The following CMIP variants were observed in gnomAD, a reference collection of about 807,000 sequenced individuals.
CMIP encodes the protein C-Maf-inducing protein.
A neutral mutation model predicts 97.3 loss-of-function variants in CMIP; 13 were observed. That is an observed-to-expected ratio of 0.13 (90% CI 0.09 to 0.21). The LOEUF is 0.21. Ranked by LOEUF, CMIP falls within the 10% of genes least tolerant of loss-of-function variation. CMIP has a pLI of 1.00. For missense variants in CMIP, 847 were observed against 1,024.9 expected, an observed-to-expected ratio of 0.83 and a Z score of 2.37; for synonymous variants, 538 against 436.3, an observed-to-expected ratio of 1.23 and a Z score of -2.91.
chr16:81,482,117 G>T (rs2966083), intron 1 of CMIP, among the ~76,000 whole-genome samples: 89,593 of 151,806 alleles, frequency 0.59, 26,722 homozygotes, highest in East Asian at 0.78. Flanking sequence ...GACCGCAAGT[G>T]ATCCACCCTC....
intron 5 of CMIP, among the ~76,000 whole-genome samples, chr16:81,660,550 C>T (rs953042962): frequency 6.6e-6 from 1 of 152,172 alleles, no homozygotes; most frequent in African/African-American, 2.4e-5. Flanking sequence ...GCTGGGATTA[C>T]AGGCATGAGC....
At chr16:81,524,155 G>C (rs1234196412) in intron 1 of CMIP, among the ~76,000 whole-genome samples, 1 of 152,254 alleles carries the variant, frequency 6.6e-6, no homozygotes, top group Non-Finnish European at 1.5e-5. Context: ...AGACCTGAAA[G>C]ACAGGACCCT....
intron 1 of CMIP, among the ~76,000 whole-genome samples, chr16:81,455,487 C>G (rs139369550): frequency 9.9e-5 from 15 of 152,252 alleles, no homozygotes; most frequent in African/African-American, 2.9e-4. Flanking sequence ...GCCCAGATCT[C>G]TACCCCTCCA....
At chr16:81,695,471 T>A (rs1906606180) in intron 13 of CMIP, 1 of 152,274 alleles carries the variant, frequency 6.6e-6, no homozygotes, top group Admixed American at 6.5e-5. Flanking sequence ...ATCAGTTTAA[T>A]ATCTGTGGGT....
chr16:81,657,707 C>G, intron 4 of CMIP, 68 bp from the exon 5 acceptor site: 2 of 1,308,990 alleles, frequency 1.5e-6, no homozygotes, highest in Non-Finnish European at 2.1e-6. Context: ...ATCTTGAAAT[C>G]CAAATGCTCG....
chr16:81,531,176 C>T (rs928254816), intron 1 of CMIP, among the ~76,000 whole-genome samples: 6 of 152,122 alleles, frequency 3.9e-5, no homozygotes, highest in South Asian at 2.1e-4. Context: ...TGACTGTGTC[C>T]GTAAAAGATG....
rs182620067 is a variant in CMIP at position 81,556,370 on chromosome 16, C to G, written c.301-51197C>G. The stretch of plus-strand genomic sequence containing the variant: ...GCGCTGGTGTCCCTTTTAAAAGTCC[C>G]TATTTTTAATTCTTCTGCATATATA... On this transcript the variant is annotated intron_variant, in intron 1 of 20. Transcript: ENST00000537098. Among the ~76,000 whole-genome samples, 12 of 152,270 alleles carry G rather than the reference C, an allele frequency of 7.9e-5. No individual in the cohort carries two copies. The East Asian group carries it at 1.9e-3, about 24-fold the overall frequency.
intron 6 of CMIP, among the ~76,000 whole-genome samples, chr16:81,662,203 ACCTG>A (rs1452749784): frequency 6.6e-6 from 1 of 151,860 alleles, no homozygotes; most frequent in Non-Finnish European, 1.5e-5. Context: ...TTTAACCCAA[ACCTG>A]CCCCATGCTT....
At chr16:81,601,582 T>C (rs775353660) in intron 1 of CMIP, among the ~76,000 whole-genome samples, 1 of 152,168 alleles carries the variant, frequency 6.6e-6, no homozygotes, top group Non-Finnish European at 1.5e-5. Flanking sequence ...TGTGTGCCAC[T>C]GGACAGGGGG....
intron 1 of CMIP, among the ~76,000 whole-genome samples, chr16:81,579,258 C>T (rs2150902628): frequency 6.6e-6 from 1 of 152,206 alleles, no homozygotes; most frequent in East Asian, 1.9e-4. Flanking sequence ...AGACAGAGGC[C>T]AGCAGCTGGT....
intron 3 of CMIP, among the ~76,000 whole-genome samples, chr16:81,646,900 G>A (rs1310589055): frequency 6.6e-6 from 1 of 152,204 alleles, no homozygotes; most frequent in Non-Finnish European, 1.5e-5. Context: ...TTGTTTCTGT[G>A]AAGAATGCTG....
At chr16:81,511,921 T>C (rs1198057873) in intron 1 of CMIP, among the ~76,000 whole-genome samples, 1 of 152,202 alleles carries the variant, frequency 6.6e-6, no homozygotes, top group Non-Finnish European at 1.5e-5. Context: ...ACATGGTCGC[T>C]GAGCACTTGA....
chr16:81,527,774 G>A (rs1196836484), intron 1 of CMIP, among the ~76,000 whole-genome samples: 1 of 152,180 alleles, frequency 6.6e-6, no homozygotes, highest in Non-Finnish European at 1.5e-5. Flanking sequence ...AGAGCTGAAG[G>A]TTATTTATTT....
intron 2 of CMIP, among the ~76,000 whole-genome samples, chr16:81,608,543 C>T (rs181537295): frequency 1.0e-3 from 154 of 152,170 alleles, no homozygotes; most frequent in African/African-American, 3.5e-3. Flanking sequence ...ATTGGCTCTG[C>T]CGTGTTCCCA....
At chr16:81,543,163 C>T (rs1036892332) in intron 1 of CMIP, among the ~76,000 whole-genome samples, 2 of 152,274 alleles carry the variant, frequency 1.3e-5, no homozygotes, top group African/African-American at 2.4e-5. Flanking sequence ...GAAGTTGCTT[C>T]GCTCCAGGTG....
chr16:81,534,806 T>C (rs2090310462), intron 1 of CMIP, among the ~76,000 whole-genome samples: 1 of 152,244 alleles, frequency 6.6e-6, no homozygotes, highest in African/African-American at 2.4e-5. Context: ...AGTGTGCCCT[T>C]TTCCCATTGC....
intron 1 of CMIP, among the ~76,000 whole-genome samples, chr16:81,536,416 A>C (rs2090343906): frequency 6.6e-6 from 1 of 152,156 alleles, no homozygotes; most frequent in African/African-American, 2.4e-5. Context: ...GGGCATTATA[A>C]ATTGATCGTC....
At chr16:81,699,933 C>T (rs1245254063) in intron 15 of CMIP, 132 bp downstream of exon 15, 9 of 617,460 alleles carry the variant, frequency 1.5e-5, no homozygotes, top group Middle Eastern at 4.1e-4. Flanking sequence ...CAGTCCCAGC[C>T]GTCCTGAGCT....
chr16:81,477,706 G>A (rs759149943), intron 1 of CMIP, among the ~76,000 whole-genome samples: 6 of 152,228 alleles, frequency 3.9e-5, no homozygotes, highest in Non-Finnish European at 5.9e-5. Flanking sequence ...GGTCTAAGTC[G>A]TGTGAGGGTT....
Sources: gnomAD v4.1 joint callset for allele counts (sites outside exome capture counted in the v4.1 genomes callset) on GRCh38, gnomAD v4.1.1 for gene constraint, MANE v1.5 for transcripts, NCBI Gene and HGNC (gene_info 2026-07-23, HGNC 2026-07-21) for gene names.